Variants in NUP98 observed in about 807,000 individuals in gnomAD.
NUP98 encodes nuclear pore complex protein Nup98-Nup96.
In NUP98, 26 loss-of-function variants were observed where a neutral mutation model predicts 191.9. The ratio of observed to expected loss-of-function variants is 0.14; its 90% CI spans 0.10 to 0.19. The LOEUF is 0.19. NUP98 is among the 10% of genes least tolerant of loss of function. The pLI is 1.00. For missense variants in NUP98, 1,941 were observed against 2,178.8 expected, an observed-to-expected ratio of 0.89 and a Z score of 2.17; for synonymous variants, 808 against 778.4, an observed-to-expected ratio of 1.04 and a Z score of -0.63.
intron 8 of NUP98, among the ~76,000 whole-genome samples, chr11:3,765,801 C>CAAAAA (rs368424606): frequency 6.9e-5 from 8 of 115,354 alleles, no homozygotes; most frequent in African/African-American, 9.2e-5. Context: ...GACTCTGTCT[C>CAAAAA]AAAAAAAAAA....
At chr11:3,727,541 C>G (rs1452240122) in intron 14 of NUP98, among the ~76,000 whole-genome samples, 2 of 151,994 alleles carry the variant, frequency 1.3e-5, no homozygotes, top group African/African-American at 4.8e-5. Context: ...TGGACTGAAA[C>G]ATAGCAACTG....
chr11:3,768,591 G>A lies in NUP98; in HGVS notation c.938C>T (p.Thr313Ile). 5 of 1,589,532 alleles carry A rather than the reference G, an allele frequency of 3.1e-6. No individual in the cohort carries two copies. The South Asian group carries it at 3.4e-5, about 11-fold the overall frequency. The change falls in exon 8 of 33, where the codon ACC (threonine) becomes ATC (isoleucine). Residue 313 changes from threonine to isoleucine, a missense_variant. Physicochemically the swap from Thr to Ile is moderately conservative, Grantham distance 89 (BLOSUM62 -1). This residue lies in a region of NUP98 where 181 missense variants were observed against 228.0 expected (regional missense o/e 0.79). Coordinates refer to ENST00000324932, the MANE Select transcript of NUP98 (RefSeq NM_016320.5). ...GNTSTIGQPS[T>I]NTMGLFGVTQ... is the part of the protein sequence containing the mutation. ...GGTCTGTTTCCTTACCATGGTGTTG[G>A]TGCTTGGCTGTCCTATGGTGCTGGT... is the stretch of plus-strand genomic sequence containing the variant.
chr11:3,720,814 T>C lies in NUP98; in HGVS notation c.2158A>G (p.Thr720Ala). Residue 720 changes from threonine to alanine, a missense_variant, in exon 17 of 33, where the codon ACT (threonine) becomes GCT (alanine). Coordinates refer to ENST00000324932, the MANE Select transcript of NUP98 (RefSeq NM_016320.5). ...YHMHPAGIIL[T>A]KVGYYTIPSM... is the part of the protein sequence containing the mutation. Reference sequence around the variant, plus strand: ...GGAATAGTATAGTAACCAACCTTAGTGAGAATAATACCTGTGACAAAAAAA... The same window carrying C: ...GGAATAGTATAGTAACCAACCTTAGCGAGAATAATACCTGTGACAAAAAAA... The C allele has an allele frequency of 1.6e-6, 2 of 1,255,346 alleles. No individual in the cohort carries two copies. Among genetic ancestry groups the C allele is most frequent in the Non-Finnish European group, 2.2e-6 (2 of 898,288 alleles). 77.8% of individuals were successfully genotyped at this position (1,255,346 alleles called of 1,614,324 possible). A position where few individuals can be genotyped will look rare whatever the true frequency, so the allele number is the denominator to read the frequency against.
rs763182206 is a variant in NUP98, at chr11:3,702,455, T to C, written c.3512+8A>G. 1.2e-6 allele frequency: 2 copies of C among 1,608,366 alleles called. No individual in the cohort carries two copies. Among genetic ancestry groups the C allele is most frequent in the South Asian group, 2.2e-5 (2 of 90,850 alleles). On this transcript the variant is annotated splice_region_variant and intron_variant, in intron 23 of 32. Transcript: ENST00000324932. ...CTTTCTCAAAAAGCATCAAGAAATG[T>C]GACTCACGGTTTAACAGCTACTGGA...
intron 17 of NUP98, 144 bp downstream of exon 17, chr11:3,720,568 C>T (rs1362797855): frequency 6.5e-6 from 3 of 459,004 alleles, no homozygotes; most frequent in South Asian, 5.4e-5. Flanking sequence ...TGTTTTGTTA[C>T]TTATCAATCA....
At chr11:3,781,922 C>A in intron 2 of NUP98, 120 bp downstream of exon 2, 1 of 557,310 alleles carries the variant, frequency 1.8e-6, no homozygotes, top group South Asian at 3.2e-5. Flanking sequence ...TTTTTCAAGA[C>A]GACTTTGTTA....
In NUP98 at chr11:3,760,088, C is replaced by T. The variant is rs185505758; in HGVS notation, c.1174+451G>A. On this transcript the variant is annotated intron_variant, in intron 10 of 32. Transcript: ENST00000324932. The stretch of plus-strand genomic sequence containing the variant: ...ATCTCAGCACTTTGGGAGGCTAAGG[C>T]GATATAAAGACCCTGTTCTCCACCA... 5.1e-5 allele frequency: 8 copies of T among 157,052 alleles called. No homozygotes were observed. In the South Asian group the frequency reaches 5.9e-4, roughly 12 times the overall value. The allele number at this position is 157,052 out of a possible 1,614,324, so 9.7% of individuals were successfully genotyped here.
rs1212834866 is a variant in NUP98, at chr11:3,763,017, G to C, written c.971C>G (p.Ala324Gly). ...NTMGLFGVTQASQPGGLFGTA... is the reference protein window; with the variant it reads ...NTMGLFGVTQGSQPGGLFGTA... ...CCCAAAAAGACCTCCAGGCTGTGAG[G>C]CTTGGGTTACTCCAAATAATCCCTG... is the stretch of plus-strand genomic sequence containing the variant. The change falls in exon 9 of 33, where the codon GCC (alanine) becomes GGC (glycine). Residue 324 changes from alanine to glycine, a missense_variant. This residue lies in a region of NUP98 where 181 missense variants were observed against 228.0 expected (regional missense o/e 0.79). Coordinates refer to ENST00000324932, the MANE Select transcript of NUP98 (RefSeq NM_016320.5). 6.2e-7 allele frequency: 1 copy of C among 1,613,866 alleles called. No individual in the cohort carries two copies.
intron 1 of NUP98, among the ~76,000 whole-genome samples, chr11:3,791,533 C>CAAAAAAAAAAAAAAA (rs71041395): frequency 1.5e-5 from 1 of 67,200 alleles, no homozygotes; most frequent in African/African-American, 6.2e-5. Flanking sequence ...GACCTCGTCT[C>CAAAAAAAAAAAAAAA]AAAAAAAAAA....
At chr11:3,768,095 C>A (rs115923867) in intron 8 of NUP98, among the ~76,000 whole-genome samples, 2,804 of 152,120 alleles carry the variant, frequency 0.018, 99 homozygotes, top group African/African-American at 0.064. Context: ...AAGAGTAGAG[C>A]CCAGGCTAGA....
chr11:3,720,094 C>T (rs1021334317), intron 17 of NUP98, among the ~76,000 whole-genome samples: 1 of 152,052 alleles, frequency 6.6e-6, no homozygotes, highest in Admixed American at 6.6e-5. Flanking sequence ...TCCCATTAGC[C>T]TCAAAACAAC....
At chr11:3,677,809 A>G (rs1197999470) in intron 31 of NUP98, among the ~76,000 whole-genome samples, 2 of 152,140 alleles carry the variant, frequency 1.3e-5, no homozygotes, top group African/African-American at 4.8e-5. Context: ...ATTCATACTA[A>G]AAGTACAGCA....
chr11:3,730,889 T>G (rs1396489851), intron 14 of NUP98, among the ~76,000 whole-genome samples: 2 of 152,178 alleles, frequency 1.3e-5, no homozygotes, highest in African/African-American at 2.4e-5. Context: ...ATCAAAATAT[T>G]TTTATGCTAA....
In NUP98 at chr11:3,676,582, G is replaced by C; in HGVS notation, c.5112C>G (p.Ile1704Met). 1.2e-6 allele frequency: 2 copies of C among 1,614,164 alleles called. No individual in the cohort carries two copies. The highest frequency in any genetic ancestry group is 1.7e-6 in the Non-Finnish European group (2 of 1,180,018). ...CSGNDLEQLH[I>M]KVTSLCSRIE... ...TCCGACTGCACAGTGAAGTCACTTT[G>C]ATGTGTAACTGCTCCAGGTCATTAC... Residue 1704 changes from isoleucine to methionine, a missense_variant, in exon 32 of 33, where the codon ATC becomes ATG. Transcript: ENST00000324932.
intron 7 of NUP98, among the ~76,000 whole-genome samples, chr11:3,769,706 G>A (rs547320189): frequency 5.7e-4 from 86 of 152,036 alleles, no homozygotes; most frequent in Non-Finnish European, 9.9e-4. Context: ...TCAGGAGTTC[G>A]AGACCAGCAT....
At chr11:3,781,998 G>A in intron 2 of NUP98, 44 bp downstream of exon 2, 2 of 1,304,408 alleles carry the variant, frequency 1.5e-6, no homozygotes, top group South Asian at 1.2e-5. Context: ...TCTTAGTAAG[G>A]GAGATTAAGG....
intron 23 of NUP98, among the ~76,000 whole-genome samples, 173 bp downstream of exon 23, chr11:3,702,280 GACACACACAC>G (rs537147629): frequency 1.2e-4 from 13 of 108,480 alleles, no homozygotes; most frequent in Non-Finnish European, 1.8e-4. Flanking sequence ...GCAAAACTGA[GACACACACAC>G]ACACACACAC....
rs771470602 is a variant in NUP98, at chr11:3,763,016, G to A, written c.972C>T (p.Ala324=). 2.5e-6 allele frequency: 4 copies of A among 1,613,922 alleles called. No homozygotes were observed. The South Asian group carries it at 4.4e-5, about 18-fold the overall frequency. The change falls in exon 9 of 33, where the codon GCC becomes GCT. Residue 324 remains alanine (A), a synonymous_variant. Coordinates refer to ENST00000324932, the MANE Select transcript of NUP98 (RefSeq NM_016320.5). The part of the protein sequence containing the change: ...NTMGLFGVTQ[A]SQPGGLFGTA... The stretch of plus-strand genomic sequence containing the variant: ...TCCCAAAAAGACCTCCAGGCTGTGA[G>A]GCTTGGGTTACTCCAAATAATCCCT...
chr11:3,723,411 T>C lies in NUP98; in HGVS notation c.1892A>G (p.Asp631Gly). The change falls in exon 16 of 33, where the codon GAT becomes GGT. Residue 631 changes from aspartate to glycine, a missense_variant. Coordinates refer to ENST00000324932, the MANE Select transcript of NUP98 (RefSeq NM_016320.5). ...SKPVDENHQQ[D>G]GDEDSLVSHF... The stretch of plus-strand genomic sequence containing the variant: ...TGAAACAAGGGAATCTTCATCTCCA[T>C]CCTGCTGGTGATTCTCATCAACAGG... 10 of 1,614,138 alleles carry C rather than the reference T, an allele frequency of 6.2e-6. No individual in the cohort carries two copies. The highest frequency in any genetic ancestry group is 7.6e-6 in the Non-Finnish European group (9 of 1,180,014).
Sources: gnomAD v4.1 joint callset for allele counts (sites outside exome capture counted in the v4.1 genomes callset) on GRCh38, gnomAD v4.1.1 for gene constraint, gnomAD v4.1.1 regional missense constraint, MANE v1.5 for transcripts, NCBI Gene and HGNC (gene_info 2026-07-23, HGNC 2026-07-21) for gene names.